ZNF609: variants seen among roughly 807,000 people sequenced by gnomAD.
ZNF609 encodes zinc finger protein 609.
In ZNF609, 11 loss-of-function variants were observed where a neutral mutation model predicts 109.5. The observed-to-expected ratio is 0.10, with a 90% CI of 0.06 to 0.17. The LOEUF is 0.17. Ranked by LOEUF, ZNF609 falls within the 10% of genes least tolerant of loss-of-function variation. The pLI, the probability that ZNF609 is intolerant of heterozygous loss-of-function variation, is 1.00. For synonymous variants in ZNF609, 646 were observed against 662.0 expected, an observed-to-expected ratio of 0.98 and a Z score of 0.37; for missense variants, 1,559 against 1,772.4, an observed-to-expected ratio of 0.88 and a Z score of 2.16.
intron 3 of ZNF609, among the ~76,000 whole-genome samples, chr15:64,632,255 A>T (rs922687837): frequency 8.6e-5 from 13 of 151,850 alleles, no homozygotes; most frequent in African/African-American, 3.1e-4. Context: ...GTGTCTTATT[A>T]CATTGCACAG....
chr15:64,631,509 C>G (rs1051734210), intron 3 of ZNF609: 3 of 675,374 alleles, frequency 4.4e-6, no homozygotes, highest in South Asian at 2.9e-5. Context: ...ATATACATGG[C>G]CAAAGAAACA....
intron 3 of ZNF609, among the ~76,000 whole-genome samples, chr15:64,642,560 A>C (rs552940636): frequency 6.6e-6 from 1 of 152,276 alleles, no homozygotes; most frequent in South Asian, 2.1e-4. Context: ...TTGGGAGGCC[A>C]AGGTGGGAGG....
chr15:64,682,470 G>A lies in ZNF609; in HGVS notation c.*784G>A, dbSNP rs1267033376. On this transcript the variant is annotated 3_prime_UTR_variant, in exon 10 of 10. Transcript: ENST00000326648. ...TGGTGCTGGAGCATGAATGACGTCT[G>A]TGAAGTAGAACCTGCGTCCCCACTA... 6.5e-6 allele frequency: 1 copy of A among 152,792 alleles called. No individual in the cohort carries two copies. The highest frequency in any genetic ancestry group is 1.9e-4 in the East Asian group (1 of 5,196). The allele number at this position is 152,792 out of a possible 1,614,324, so 9.5% of individuals were successfully genotyped here.
At chr15:64,578,510 T>C (rs1269380644) in intron 2 of ZNF609, among the ~76,000 whole-genome samples, 1 of 152,042 alleles carries the variant, frequency 6.6e-6, no homozygotes, top group Non-Finnish European at 1.5e-5. Flanking sequence ...CTGACCAACA[T>C]GGTGAATCCC....
intron 2 of ZNF609, among the ~76,000 whole-genome samples, chr15:64,578,747 C>G (rs1213280074): frequency 6.6e-6 from 1 of 152,160 alleles, no homozygotes; most frequent in Non-Finnish European, 1.5e-5. Flanking sequence ...GCCTGTAATT[C>G]TAGCACTTTG....
rs1232319952 is a variant in ZNF609 at position 64,607,859 on chromosome 15, CT to C, written c.748-14965del. 6.5e-3 allele frequency among the ~76,000 whole-genome samples: 142 copies of C among 21,964 alleles called. 1 individual carries two copies. Among genetic ancestry groups the C allele is most frequent in the African/African-American group, 0.012 (125 of 10,296 alleles). The allele number at this position is 21,964 out of a possible 152,430, so 14.4% of individuals were successfully genotyped here. ...TCTTTCTTTCTTTCTTTCTTTCTTT[CT>C]TTCTTTCTTTCTTTCTTTCTTCTTT... On this transcript the variant is annotated intron_variant, in intron 2 of 9. Transcript: ENST00000326648.
Position 64,680,643 on chromosome 15 carries a change from C to T in ZNF609, c.3946-3C>T, listed in dbSNP as rs535365053. On this transcript the variant is annotated splice_polypyrimidine_tract_variant and splice_region_variant and intron_variant, in intron 7 of 9. Coordinates refer to ENST00000326648, the MANE Select transcript of ZNF609 (RefSeq NM_015042.2). The stretch of plus-strand genomic sequence containing the variant: ...GCTTTTGTGTCTCTGGTTTCCTTTC[C>T]AGATAAGTGATAAAACTTCTCAGGA... The T allele has an allele frequency of 2.5e-6, 4 of 1,578,842 alleles. No individual in the cohort carries two copies. The highest frequency in any genetic ancestry group is 1.2e-5 in the South Asian group (1 of 85,308).
chr15:64,541,027 CAAAAAAA>C (rs1287975678), intron 2 of ZNF609, among the ~76,000 whole-genome samples: 1 of 53,716 alleles, frequency 1.9e-5, no homozygotes, highest in African/African-American at 6.8e-5. Flanking sequence ...GACTCTGTCT[CAAAAAAA>C]AAAAAAAAAA....
At chr15:64,475,932 T>C (rs971895326) in intron 1 of ZNF609, among the ~76,000 whole-genome samples, 4 of 152,220 alleles carry the variant, frequency 2.6e-5, no homozygotes, top group Non-Finnish European at 5.9e-5. Context: ...TTCAACACAT[T>C]TTATCCCAAA....
intron 3 of ZNF609, among the ~76,000 whole-genome samples, chr15:64,667,676 C>T (rs1287529019): frequency 6.6e-6 from 1 of 151,674 alleles, no homozygotes; most frequent in Non-Finnish European, 1.5e-5. Flanking sequence ...CAGGCCATTG[C>T]ACTTCAGCCT....
intron 2 of ZNF609, among the ~76,000 whole-genome samples, chr15:64,570,085 C>T (rs1156536322): frequency 6.6e-6 from 1 of 152,190 alleles, no homozygotes; most frequent in Non-Finnish European, 1.5e-5. Flanking sequence ...GTCTCAAACT[C>T]CTGTGCTCAA....
chr15:64,638,738 G>T (rs977123823), intron 3 of ZNF609, among the ~76,000 whole-genome samples: 1 of 151,870 alleles, frequency 6.6e-6, no homozygotes, highest in African/African-American at 2.4e-5. Flanking sequence ...TCTACAAAAA[G>T]TAGAAAATTA....
At chr15:64,579,743 G>C (rs1442642689) in intron 2 of ZNF609, among the ~76,000 whole-genome samples, 1 of 151,800 alleles carries the variant, frequency 6.6e-6, no homozygotes, top group African/African-American at 2.4e-5. Context: ...GTATAGCTCT[G>C]TTCCCTTCTT....
chr15:64,503,381 G>T (rs1473728768), intron 2 of ZNF609, among the ~76,000 whole-genome samples: 1 of 152,220 alleles, frequency 6.6e-6, no homozygotes, highest in Non-Finnish European at 1.5e-5. Context: ...GAGCCTTCCA[G>T]CTCTTGCCTG....
intron 1 of ZNF609, among the ~76,000 whole-genome samples, chr15:64,490,104 A>G (rs1028450693): frequency 3.9e-5 from 6 of 152,012 alleles, no homozygotes; most frequent in Non-Finnish European, 8.8e-5. Context: ...GACTACAGGC[A>G]TTTGCCACCA....
intron 1 of ZNF609, among the ~76,000 whole-genome samples, chr15:64,486,671 A>G (rs1422733947): frequency 6.6e-6 from 1 of 152,002 alleles, no homozygotes; most frequent in Non-Finnish European, 1.5e-5. Flanking sequence ...GCCAGAGTGC[A>G]GTGGCATGAT....
chr15:64,479,309 T>TTG (rs1217738256), intron 1 of ZNF609, among the ~76,000 whole-genome samples: 2 of 146,144 alleles, frequency 1.4e-5, no homozygotes, highest in Non-Finnish European at 3.0e-5. Context: ...TTTTTTTTTT[T>TTG]GAGACAGAGT....
chr15:64,657,387 A>G (rs979786352), intron 3 of ZNF609, among the ~76,000 whole-genome samples: 2 of 152,118 alleles, frequency 1.3e-5, no homozygotes, highest in African/African-American at 4.8e-5. Flanking sequence ...AGGCCAGGGC[A>G]GATGGATCAT....
chr15:64,469,036 T>A (rs1378462591), intron 1 of ZNF609, among the ~76,000 whole-genome samples: 4 of 60,798 alleles, frequency 6.6e-5, no homozygotes, highest in African/African-American at 1.3e-4. Context: ...CCTCATATCT[T>A]AAAAAAAAAA....
Sources: gnomAD v4.1 joint callset for allele counts (sites outside exome capture counted in the v4.1 genomes callset) on GRCh38, gnomAD v4.1.1 for gene constraint, MANE v1.5 for transcripts, NCBI Gene and HGNC (gene_info 2026-07-23, HGNC 2026-07-21) for gene names.